Variants in MEMO1 observed in about 807,000 individuals in gnomAD.
MEMO1 encodes the protein protein MEMO1.
Under a neutral mutation model 45.2 loss-of-function variants are expected in MEMO1, and 6 were observed. The ratio of observed to expected loss-of-function variants is 0.13; its 90% CI spans 0.07 to 0.26. The LOEUF is 0.26. Among genes scored for constraint, MEMO1 ranks in the 10% least tolerant of loss-of-function variants. The pLI, the probability that MEMO1 is intolerant of heterozygous loss-of-function variation, is 1.00. For synonymous variants in MEMO1, 78 were observed against 124.3 expected, an observed-to-expected ratio of 0.63 and a Z score of 2.48; for missense variants, 184 against 370.5, an observed-to-expected ratio of 0.50 and a Z score of 4.13.
intron 2 of MEMO1, among the ~76,000 whole-genome samples, chr2:32,002,316 C>CACATATAT (rs540913238): frequency 6.8e-6 from 1 of 146,264 alleles, no homozygotes; most frequent in Non-Finnish European, 1.5e-5. Context: ...TATATACATA[C>CACATATAT]ACATATATAC....
At chr2:31,921,001 A>C (rs1352762003) in intron 4 of MEMO1, 91 bp from the exon 5 acceptor site, 18 of 855,930 alleles carry the variant, frequency 2.1e-5, no homozygotes, top group Non-Finnish European at 3.2e-5. Context: ...CTTACAAATC[A>C]CTTGTTTTCC....
intron 3 of MEMO1, among the ~76,000 whole-genome samples, chr2:31,937,817 A>G (rs1366452747): frequency 6.6e-6 from 1 of 152,188 alleles, no homozygotes; most frequent in Non-Finnish European, 1.5e-5. Flanking sequence ...ATTCATGTTA[A>G]CCAATTATTT....
intron 2 of MEMO1, among the ~76,000 whole-genome samples, chr2:31,990,243 G>A (rs1488660658): frequency 6.6e-6 from 1 of 152,100 alleles, no homozygotes; most frequent in Non-Finnish European, 1.5e-5. Context: ...TGAGAATCCA[G>A]CTATTTTCTA....
chr2:31,932,266 T>G (rs1572720568), intron 3 of MEMO1, 131 bp from the exon 4 acceptor site: 1 of 659,310 alleles, frequency 1.5e-6, no homozygotes, highest in East Asian at 2.8e-5. Context: ...TAAATAACAA[T>G]GTAGTTAATG....
At chr2:31,928,913 C>G (rs1320640235) in intron 4 of MEMO1, among the ~76,000 whole-genome samples, 1 of 152,066 alleles carries the variant, frequency 6.6e-6, no homozygotes, top group African/African-American at 2.4e-5. Context: ...ACACATTTAA[C>G]TTTTTCCATT....
chr2:31,980,863 A>G (rs1449228201), intron 2 of MEMO1, among the ~76,000 whole-genome samples: 7 of 152,248 alleles, frequency 4.6e-5, no homozygotes, highest in Admixed American at 4.6e-4. Context: ...AATATAAGGC[A>G]TAATATCACA....
chr2:31,880,438 T>C (rs1372638268), intron 8 of MEMO1, among the ~76,000 whole-genome samples: 2 of 152,236 alleles, frequency 1.3e-5, no homozygotes, highest in African/African-American at 4.8e-5. Flanking sequence ...AGTAACCAAC[T>C]TTACATTCAT....
At position 31,980,261 on chromosome 2, in the gene MEMO1, C is replaced by T. The variant is rs149854904; in HGVS notation, c.61+29926G>A. On this transcript the variant is annotated intron_variant, in intron 2 of 9. Transcript: ENST00000404530. ...AGCCTGGACAATAAAGCAAGACCCCCAACTCTACAGAAAATTTTAAAATTA... is the reference window on the plus strand; with the variant it reads ...AGCCTGGACAATAAAGCAAGACCCCTAACTCTACAGAAAATTTTAAAATTA... 1.6e-3 allele frequency among the ~76,000 whole-genome samples: 240 copies of T among 152,100 alleles called. 3 individuals are homozygous for T. Among genetic ancestry groups the T allele is most frequent in the South Asian group, 0.015 (71 of 4,826 alleles).
chr2:31,912,753 T>C (rs1020137485), intron 6 of MEMO1, among the ~76,000 whole-genome samples: 1 of 152,124 alleles, frequency 6.6e-6, no homozygotes, highest in Non-Finnish European at 1.5e-5. Flanking sequence ...CAAAAATATA[T>C]GTTAGTGTAT....
chr2:31,875,594 C>T (rs182726088), intron 8 of MEMO1, among the ~76,000 whole-genome samples: 1 of 152,218 alleles, frequency 6.6e-6, no homozygotes, highest in East Asian at 1.9e-4. Flanking sequence ...GACCTCCATC[C>T]ACTTCATTCT....
At chr2:31,962,436 A>T (rs1253558232) in intron 2 of MEMO1, among the ~76,000 whole-genome samples, 1 of 152,038 alleles carries the variant, frequency 6.6e-6, no homozygotes, top group East Asian at 1.9e-4. Flanking sequence ...ATAACTATAA[A>T]CCACGTGTAT....
chr2:31,906,082 C>G (rs542579699), intron 6 of MEMO1, among the ~76,000 whole-genome samples: 88 of 151,008 alleles, frequency 5.8e-4, no homozygotes, highest in Non-Finnish European at 7.8e-4. Context: ...ACACAATTCT[C>G]CTGCCTCAGC....
intron 6 of MEMO1, among the ~76,000 whole-genome samples, chr2:31,896,790 C>T (rs1677889722): frequency 6.6e-6 from 1 of 152,112 alleles, no homozygotes; most frequent in Non-Finnish European, 1.5e-5. Context: ...TCCATAAATA[C>T]TCTTATAACT....
chr2:31,923,289 A>G (rs929043084), intron 4 of MEMO1, among the ~76,000 whole-genome samples: 1 of 152,028 alleles, frequency 6.6e-6, no homozygotes, highest in African/African-American at 2.4e-5. Flanking sequence ...GTGTCTGTTC[A>G]TGTCCTTTGC....
chr2:31,959,803 C>T (rs564922784), intron 2 of MEMO1, among the ~76,000 whole-genome samples: 2 of 152,150 alleles, frequency 1.3e-5, no homozygotes, highest in East Asian at 3.9e-4. Context: ...TACCTCACAA[C>T]AAAGAAAGCT....
At chr2:31,901,735 C>G (rs534186071) in intron 6 of MEMO1, among the ~76,000 whole-genome samples, 1 of 151,518 alleles carries the variant, frequency 6.6e-6, no homozygotes, top group African/African-American at 2.4e-5. Flanking sequence ...GGTGAAACCC[C>G]GTCTCTACTA....
At chr2:32,005,273 T>A (rs903601249) in intron 2 of MEMO1, among the ~76,000 whole-genome samples, 2 of 133,036 alleles carry the variant, frequency 1.5e-5, no homozygotes, top group African/African-American at 5.9e-5. Context: ...TGAGCTATGA[T>A]CGAGCCACGG....
chr2:31,901,304 T>C (rs1193156092), intron 6 of MEMO1, among the ~76,000 whole-genome samples: 3 of 122,686 alleles, frequency 2.4e-5, no homozygotes, highest in African/African-American at 9.7e-5. Context: ...ACCTGGGAGG[T>C]GGAGGTTGCA....
intron 3 of MEMO1, among the ~76,000 whole-genome samples, chr2:31,940,537 C>G (rs1257580767): frequency 1.3e-5 from 2 of 152,114 alleles, no homozygotes; most frequent in Non-Finnish European, 2.9e-5. Flanking sequence ...ATTTTAAAAC[C>G]ATGTCTTAAA....
Sources: gnomAD v4.1 joint callset for allele counts (sites outside exome capture counted in the v4.1 genomes callset) on GRCh38, gnomAD v4.1.1 for gene constraint, MANE v1.5 for transcripts, NCBI Gene and HGNC (gene_info 2026-07-23, HGNC 2026-07-21) for gene names.